Variants in ENTHD1 observed in about 807,000 individuals in gnomAD.
ENTHD1 encodes ENTH domain-containing protein 1.
Under a neutral mutation model 39.1 loss-of-function variants are expected in ENTHD1, and 23 were observed. That is an observed-to-expected ratio of 0.59 (90% CI 0.42 to 0.83). The LOEUF is 0.83. ENTHD1 is among the 40% of genes least tolerant of loss of function. The pLI is 0.00. For missense variants in ENTHD1, 624 were observed against 705.4 expected (o/e 0.88, Z 1.31); for synonymous variants, 230 against 258.2 (o/e 0.89, Z 1.05).
rs1465260235 is a variant in ENTHD1, at chr22:39,867,743, A to T, written c.350-5736T>A. Among the ~76,000 whole-genome samples, 1 of 152,078 alleles carries T rather than the reference A, an allele frequency of 6.6e-6. No homozygotes were observed. On this transcript the variant is annotated intron_variant, in intron 2 of 6. Transcript: ENST00000325157. The surrounding 1 kb of genome is among the most constrained non-coding windows in gnomAD (Gnocchi z 4.5). ...ACCTTCAGTTGGTTGCAGTGAGCCG[A>T]GATCGCGCCATTGCACTCCAGCCTG...
chr22:39,806,401 G>A (rs1362496307), intron 5 of ENTHD1, among the ~76,000 whole-genome samples: 1 of 152,146 alleles, frequency 6.6e-6, no homozygotes, highest in Non-Finnish European at 1.5e-5. Context: ...TGAGCTTAGA[G>A]GACTCCCAGT....
chr22:39,805,032 G>A (rs1029956158), intron 5 of ENTHD1, among the ~76,000 whole-genome samples: 2 of 152,118 alleles, frequency 1.3e-5, no homozygotes, highest in African/African-American at 4.8e-5. Context: ...GTCTGTCAAG[G>A]GCTAAGTCTT....
chr22:39,759,665 T>C (rs1043362159), intron 6 of ENTHD1, among the ~76,000 whole-genome samples: 2 of 152,084 alleles, frequency 1.3e-5, no homozygotes, highest in Non-Finnish European at 2.9e-5. Context: ...GAACCTTCTA[T>C]TACTGATTTT....
At chr22:39,756,312 T>TCACACACACACA (rs760136229) in intron 6 of ENTHD1, among the ~76,000 whole-genome samples, 2 of 148,498 alleles carry the variant, frequency 1.3e-5, no homozygotes, top group African/African-American at 5.1e-5. Flanking sequence ...TCTCTCTCTC[T>TCACACACACACA]CTCTCACACA....
At chr22:39,842,394 C>A (rs368111990) in intron 3 of ENTHD1, among the ~76,000 whole-genome samples, 9,046 of 151,834 alleles carry the variant, frequency 0.06, 369 homozygotes, top group South Asian at 0.12. Flanking sequence ...TAGATTTGGT[C>A]TTTTCACATA....
At chr22:39,793,119 A>T (rs1051996131) in intron 5 of ENTHD1, among the ~76,000 whole-genome samples, 1 of 152,108 alleles carries the variant, frequency 6.6e-6, no homozygotes, top group African/African-American at 2.4e-5. Flanking sequence ...TTTTGATAAA[A>T]GCTATTTAAA....
chr22:39,810,459 C>T (rs2065676608), intron 5 of ENTHD1, among the ~76,000 whole-genome samples: 1 of 152,170 alleles, frequency 6.6e-6, no homozygotes, highest in Admixed American at 6.5e-5. Flanking sequence ...AAATTCTCCC[C>T]TCTGCTTCCA....
chr22:39,824,559 A>G (rs1291933113), intron 4 of ENTHD1, among the ~76,000 whole-genome samples: 1 of 152,074 alleles, frequency 6.6e-6, no homozygotes, highest in Non-Finnish European at 1.5e-5. Flanking sequence ...AAAGTTTTAT[A>G]GTTTACATTT....
chr22:39,861,834 G>A lies in ENTHD1; in HGVS notation c.523C>T (p.Pro175Ser), dbSNP rs780772426. Residue 175 changes from proline to serine, a missense_variant, in exon 3 of 7, where the codon CCC (proline) becomes TCC (serine). By Grantham distance (74) the Pro-to-Ser change is moderately conservative. Transcript: ENST00000325157. ...SNSLTACTSA[P>S]TPDISASEKK... Reference sequence around the variant, plus strand: ...TCTGAAGCAGAAATATCCGGTGTGGGGGCAGAAGTGCACGCTGTCAGTGAG... The same window carrying A: ...TCTGAAGCAGAAATATCCGGTGTGGAGGCAGAAGTGCACGCTGTCAGTGAG... 6.2e-7 allele frequency: 1 copy of A among 1,600,846 alleles called. No homozygotes were observed. The highest frequency in any genetic ancestry group is 8.5e-7 in the Non-Finnish European group (1 of 1,171,400).
chr22:39,782,494 A>G (rs909940108), intron 5 of ENTHD1, among the ~76,000 whole-genome samples: 1 of 152,210 alleles, frequency 6.6e-6, no homozygotes, highest in Non-Finnish European at 1.5e-5. Flanking sequence ...CCAAAACCAG[A>G]CAAGGACACA....
chr22:39,752,287 A>G (rs558466661), intron 6 of ENTHD1, among the ~76,000 whole-genome samples: 1 of 152,310 alleles, frequency 6.6e-6, no homozygotes, highest in South Asian at 2.1e-4. Context: ...ATACTAGGCT[A>G]AGTGAAATAA....
intron 5 of ENTHD1, among the ~76,000 whole-genome samples, chr22:39,772,367 G>A (rs559415344): frequency 1.3e-4 from 20 of 152,242 alleles, no homozygotes; most frequent in Admixed American, 2.0e-4. Flanking sequence ...GTACCAGTCC[G>A]TGGCCCAGGG....
At chr22:39,782,633 CAAT>C (rs1368170915) in intron 5 of ENTHD1, among the ~76,000 whole-genome samples, 20 of 152,122 alleles carry the variant, frequency 1.3e-4, no homozygotes, top group African/African-American at 4.6e-4. Context: ...AGGTTCATCT[CAAT>C]GATGTAAGGA....
intron 4 of ENTHD1, among the ~76,000 whole-genome samples, chr22:39,833,346 A>G (rs924722518): frequency 3.3e-5 from 5 of 152,214 alleles, no homozygotes; most frequent in African/African-American, 4.8e-5. Flanking sequence ...CAGCCATTGG[A>G]GGAGCATAAC....
chr22:39,815,540 A>G lies in ENTHD1; in HGVS notation c.832+5453T>C, dbSNP rs749372660. Among the ~76,000 whole-genome samples, 6 of 152,214 alleles carry G rather than the reference A, an allele frequency of 3.9e-5. 1 individual carries two copies. The highest frequency in any genetic ancestry group is 7.2e-5 in the African/African-American group (3 of 41,456). On this transcript the variant is annotated intron_variant, in intron 5 of 6. Coordinates refer to ENST00000325157, the MANE Select transcript of ENTHD1 (RefSeq NM_152512.4). Reference sequence around the variant, plus strand: ...GAAAAATTGGTGAGGACATGCAGCAACTGCAACTAGAACTTTGGAAAACAA... The same window carrying G: ...GAAAAATTGGTGAGGACATGCAGCAGCTGCAACTAGAACTTTGGAAAACAA...
Position 39,779,174 on chromosome 22 carries a change from G to A in ENTHD1, c.833-13565C>T, listed in dbSNP as rs531447038. 2.2e-4 allele frequency among the ~76,000 whole-genome samples: 34 copies of A among 152,000 alleles called. No homozygotes were observed. In the South Asian group the frequency reaches 6.3e-3, roughly 28 times the overall value. The stretch of plus-strand genomic sequence containing the variant: ...TCTACTAAAAACACAAAAATTGGCC[G>A]GGCATGGTGGTGAGTGCCTGTAATC... On this transcript the variant is annotated intron_variant, in intron 5 of 6. Coordinates refer to ENST00000325157, the MANE Select transcript of ENTHD1 (RefSeq NM_152512.4).
intron 5 of ENTHD1, among the ~76,000 whole-genome samples, chr22:39,806,100 A>C (rs2065638424): frequency 6.6e-6 from 1 of 152,196 alleles, no homozygotes; most frequent in Non-Finnish European, 1.5e-5. Flanking sequence ...GGGGGAAATC[A>C]ATGCTACATC....
At chr22:39,858,369 C>T (rs890374544) in intron 3 of ENTHD1, among the ~76,000 whole-genome samples, 1 of 152,216 alleles carries the variant, frequency 6.6e-6, no homozygotes, top group African/African-American at 2.4e-5. Flanking sequence ...TCCGCCACAT[C>T]TGCAGTTCCT....
chr22:39,775,368 C>T (rs2065358339), intron 5 of ENTHD1, among the ~76,000 whole-genome samples: 1 of 152,092 alleles, frequency 6.6e-6, no homozygotes, highest in Admixed American at 6.6e-5. Flanking sequence ...GAATCATAAG[C>T]TGGATGATTT....
Sources: allele counts gnomAD v4.1 joint callset (sites outside exome capture counted in the v4.1 genomes callset), GRCh38; gene constraint gnomAD v4.1.1; non-coding constraint Gnocchi (gnomAD v3.1); transcripts MANE v1.5; gene names NCBI Gene and HGNC (gene_info 2026-07-23, HGNC 2026-07-21).